DEPTOR: variants seen among roughly 807,000 people sequenced by gnomAD.
DEPTOR encodes DEP domain-containing mTOR-interacting protein.
Under a neutral mutation model 41.6 loss-of-function variants are expected in DEPTOR, and 41 were observed. The ratio of observed to expected loss-of-function variants is 0.98; its 90% CI spans 0.77 to 1.28. The LOEUF (loss-of-function observed/expected upper bound fraction) is 1.28. DEPTOR is among the 50% of genes most tolerant of loss of function. The pLI is 0.00. For missense variants in DEPTOR, 514 were observed against 527.9 expected, an observed-to-expected ratio of 0.97 and a Z score of 0.26; for synonymous variants, 195 against 192.3, an observed-to-expected ratio of 1.01 and a Z score of -0.12.
Position 119,928,574 on chromosome 8 carries a change from C to T in DEPTOR, c.297C>T (p.His99=). The part of the protein sequence containing the change: ...MQKLADRGII[H]HVCDEHKEFK... ...AATTAGCAGACCGGGGCATTATTCA[C>T]CATGGTGAGTGCGGTGGCGAGTCAA... The change falls in exon 2 of 9, where the codon CAC becomes CAT. Residue 99 remains histidine (H), a synonymous_variant. Transcript: ENST00000286234. 1.2e-6 allele frequency: 2 copies of T among 1,613,932 alleles called. No homozygotes were observed. The highest frequency in any genetic ancestry group is 1.7e-6 in the Non-Finnish European group (2 of 1,179,940).
intron 1 of DEPTOR, among the ~76,000 whole-genome samples, chr8:119,921,530 T>G (rs771611375): frequency 1.3e-5 from 2 of 152,174 alleles, no homozygotes; most frequent in Non-Finnish European, 2.9e-5. Flanking sequence ...AATATTGAGT[T>G]CTAGGCTATA....
intron 1 of DEPTOR, among the ~76,000 whole-genome samples, chr8:119,918,848 AC>A (rs1827850269): frequency 6.7e-6 from 1 of 150,046 alleles, no homozygotes; most frequent in African/African-American, 2.5e-5. Context: ...CTTGCCTCAG[AC>A]CCCCAAAATG....
intron 8 of DEPTOR, among the ~76,000 whole-genome samples, chr8:120,014,738 G>T (rs535724175): frequency 1.3e-5 from 2 of 152,122 alleles, no homozygotes; most frequent in South Asian, 2.1e-4. Flanking sequence ...GGCCAGGCTT[G>T]TCTCAAACTC....
chr8:119,913,352 C>T (rs1054613816), intron 1 of DEPTOR, among the ~76,000 whole-genome samples: 2 of 152,076 alleles, frequency 1.3e-5, no homozygotes, highest in Non-Finnish European at 2.9e-5. Flanking sequence ...AAAAAGAGGA[C>T]GAACAAAGAG....
At chr8:120,043,438 A>G (rs540061018) in intron 8 of DEPTOR, among the ~76,000 whole-genome samples, 13 of 152,312 alleles carry the variant, frequency 8.5e-5, no homozygotes, top group African/African-American at 2.4e-4. Flanking sequence ...CCAAAACCTT[A>G]ATTGAATAAA....
intron 8 of DEPTOR, among the ~76,000 whole-genome samples, chr8:120,044,840 T>A (rs1461507253): frequency 1.3e-5 from 2 of 152,318 alleles, no homozygotes; most frequent in South Asian, 2.1e-4. Context: ...TTGAAAAGGA[T>A]CCTGCCTGTG....
chr8:120,029,050 G>A (rs910528872), intron 8 of DEPTOR, among the ~76,000 whole-genome samples: 1 of 143,178 alleles, frequency 7.0e-6, no homozygotes, highest in Admixed American at 7.3e-5. Context: ...TCCAGCCTGG[G>A]CAACAAGAGC....
chr8:120,004,333 A>G (rs1812401570), intron 6 of DEPTOR, among the ~76,000 whole-genome samples: 3 of 152,198 alleles, frequency 2.0e-5, no homozygotes, highest in Admixed American at 2.0e-4. Context: ...GCTTGCTTCC[A>G]TACTGTCCTG....
intron 8 of DEPTOR, among the ~76,000 whole-genome samples, chr8:120,018,050 A>AG (rs1812639172): frequency 1.4e-5 from 2 of 145,974 alleles, no homozygotes; most frequent in African/African-American, 5.5e-5. Context: ...TTTCATAGCA[A>AG]GGAAAAAAAT....
At chr8:120,045,409 C>T (rs1813139444) in intron 8 of DEPTOR, among the ~76,000 whole-genome samples, 2 of 152,114 alleles carry the variant, frequency 1.3e-5, no homozygotes, top group African/African-American at 4.8e-5. Flanking sequence ...CTCACTTTGT[C>T]ACTCAGGCTG....
chr8:119,919,220 G>A (rs1827858709), intron 1 of DEPTOR, among the ~76,000 whole-genome samples: 1 of 152,024 alleles, frequency 6.6e-6, no homozygotes, highest in African/African-American at 2.4e-5. Flanking sequence ...GAAGATTTCT[G>A]TAAGAATACA....
chr8:119,977,422 T>C (rs1465393334), intron 4 of DEPTOR, among the ~76,000 whole-genome samples: 3 of 152,184 alleles, frequency 2.0e-5, no homozygotes, highest in African/African-American at 7.2e-5. Context: ...ATTTTCTCAA[T>C]CTACTTTCAA....
At chr8:119,907,487 G>A (rs756751621) in intron 1 of DEPTOR, among the ~76,000 whole-genome samples, 52 of 152,106 alleles carry the variant, frequency 3.4e-4, no homozygotes, top group Non-Finnish European at 5.6e-4. Context: ...GAAAGAAATA[G>A]ACACCATGAT....
chr8:119,935,778 C>T (rs963998105), intron 3 of DEPTOR, among the ~76,000 whole-genome samples: 2 of 151,634 alleles, frequency 1.3e-5, no homozygotes, highest in African/African-American at 4.8e-5. Context: ...ATTATCAAGT[C>T]CTCTGTATAG....
At chr8:119,993,644 C>T (rs80342084) in intron 4 of DEPTOR, among the ~76,000 whole-genome samples, 4,320 of 152,094 alleles carry the variant, frequency 0.028, 128 homozygotes, top group African/African-American at 0.076. Context: ...TACTATAATA[C>T]GAAGGTCCTG....
chr8:119,893,011 G>T (rs1476973318), intron 1 of DEPTOR, among the ~76,000 whole-genome samples: 1 of 152,072 alleles, frequency 6.6e-6, no homozygotes, highest in Non-Finnish European at 1.5e-5. Flanking sequence ...TCGAACTCCT[G>T]TTCTCAGGTT....
Position 119,873,758 on chromosome 8 carries a change from G to A in DEPTOR, c.-89G>A, listed in dbSNP as rs1827193154. ...CGGAGCTGCCCCGAACAAAGATGGCGCGGGAAGCGTCTGTGAGGGCAGACT... is the reference window on the plus strand; with the variant it reads ...CGGAGCTGCCCCGAACAAAGATGGCACGGGAAGCGTCTGTGAGGGCAGACT... On this transcript the variant is annotated 5_prime_UTR_variant, in exon 1 of 9. Coordinates refer to ENST00000286234, the MANE Select transcript of DEPTOR (RefSeq NM_022783.4). 23 of 1,548,870 alleles carry A rather than the reference G, an allele frequency of 1.5e-5. No homozygotes were observed. Among genetic ancestry groups the A allele is most frequent in the Non-Finnish European group, 1.9e-5 (22 of 1,146,166 alleles).
intron 1 of DEPTOR, among the ~76,000 whole-genome samples, chr8:119,889,559 G>GAGGAGAGGAC (rs1267037349): frequency 8.1e-6 from 1 of 123,400 alleles, no homozygotes; most frequent in African/African-American, 2.9e-5. Context: ...AAAGGAAAAA[G>GAGGAGAGGAC]AGGAGAGGAG....
Position 119,985,129 on chromosome 8 carries a change from C to T in DEPTOR, c.605-16396C>T, listed in dbSNP as rs182369684. ...CAGAGGTTGCAGTGAGCCAAGATCA[C>T]GCCATTGCACTTCAACCCGGGCAAC... On this transcript the variant is annotated intron_variant, in intron 4 of 8. Transcript: ENST00000286234. 1.2e-3 allele frequency among the ~76,000 whole-genome samples: 186 copies of T among 152,282 alleles called. 2 individuals are homozygous for T. The highest frequency in any genetic ancestry group is 2.9e-3 in the African/African-American group (119 of 41,552).
Sources: gnomAD v4.1 joint callset for allele counts (sites outside exome capture counted in the v4.1 genomes callset) on GRCh38, gnomAD v4.1.1 for gene constraint, MANE v1.5 for transcripts, NCBI Gene and HGNC (gene_info 2026-07-23, HGNC 2026-07-21) for gene names.